Variants in ARMH1 observed in about 807,000 individuals in gnomAD.
The protein encoded by ARMH1 is armadillo like helical domain containing 1.
In ARMH1, 34 loss-of-function variants were observed where a neutral mutation model predicts 50.2. The ratio of observed to expected loss-of-function variants is 0.68; its 90% CI spans 0.51 to 0.90. ARMH1 has a LOEUF of 0.90. ARMH1 is among the 40% of genes least tolerant of loss of function. ARMH1 has a pLI of 0.00. For missense variants in ARMH1, 538 were observed against 553.9 expected (o/e 0.97, Z 0.29); for synonymous variants, 221 against 224.2 (o/e 0.99, Z 0.13).
At chr1:44,711,944 C>T (rs2148720158) in intron 6 of ARMH1, among the ~76,000 whole-genome samples, 1 of 152,306 alleles carries the variant, frequency 6.6e-6, no homozygotes, top group South Asian at 2.1e-4. Context: ...AATTAAATAA[C>T]CTGTCCACAG....
rs1398033447 is a variant in ARMH1, at chr1:44,689,873, T to C, written c.176T>C (p.Leu59Pro). ...QEFSQGASLFLVRLTTSLRIT... is the reference protein window; with the variant it reads ...QEFSQGASLFPVRLTTSLRIT... ...TTTTCCCAGGGAGCCAGTTTGTTCCTGGTACGCTTGACCACCTCGCTTAGA... is the reference window on the plus strand; with the variant it reads ...TTTTCCCAGGGAGCCAGTTTGTTCCCGGTACGCTTGACCACCTCGCTTAGA... Residue 59 changes from leucine (L) to proline (P), a missense_variant, in exon 2 of 12, where the codon CTG becomes CCG. By Grantham distance (98) the Leu-to-Pro change is moderately conservative (BLOSUM62 -3). Coordinates refer to ENST00000535358, the MANE Select transcript of ARMH1 (RefSeq NM_001145636.2). 3 of 1,551,042 alleles carry C rather than the reference T, an allele frequency of 1.9e-6. No homozygotes were observed. Among genetic ancestry groups the C allele is most frequent in the Admixed American group, 3.9e-5 (2 of 50,974 alleles).
chr1:44,698,252 T>A (rs972877241), intron 4 of ARMH1, 23 bp downstream of exon 4: 150 of 1,540,664 alleles, frequency 9.7e-5, no homozygotes, highest in Middle Eastern at 1.7e-4. Flanking sequence ...TGTGACAAGA[T>A]GTGTCTCCCT....
intron 1 of ARMH1, among the ~76,000 whole-genome samples, chr1:44,687,148 G>A (rs978237478): frequency 6.6e-6 from 1 of 152,146 alleles, no homozygotes; most frequent in African/African-American, 2.4e-5. Flanking sequence ...GGAAGGCTGA[G>A]ATTACAGTGT....
intron 2 of ARMH1, among the ~76,000 whole-genome samples, chr1:44,690,218 A>AAAAC (rs761644249): frequency 2.0e-5 from 3 of 152,268 alleles, no homozygotes; most frequent in East Asian, 3.9e-4. Flanking sequence ...ACTCTGTCTC[A>AAAAC]AAACAAACAA....
rs183067282 is a variant in ARMH1 at position 44,709,543 on chromosome 1, G to A, written c.724+5370G>A. On this transcript the variant is annotated intron_variant, in intron 6 of 11. Transcript: ENST00000535358. ...AAAAATTAGCCGGGCGTAGTGGCAT[G>A]CGCCTGTAGTCCCACCTACACGGGA... Among the ~76,000 whole-genome samples, 1,302 of 152,156 alleles carry A rather than the reference G, an allele frequency of 8.6e-3. 12 individuals are homozygous for A. Among genetic ancestry groups the A allele is most frequent in the Middle Eastern group, 0.014 (4 of 294 alleles).
chr1:44,696,011 C>T (rs1244175726), intron 2 of ARMH1, among the ~76,000 whole-genome samples: 6 of 151,294 alleles, frequency 4.0e-5, no homozygotes, highest in African/African-American at 7.3e-5. Flanking sequence ...AAAAGTTGGC[C>T]AGCCTAGCCT....
rs760311649 is a variant in ARMH1, at chr1:44,724,230, C to T, written c.833C>T (p.Ala278Val). ...GTCAAGGAGATCTCCAAACTGCAGGCCAAGATCCTCAGTGGTAAGGACCTG... is the reference window on the plus strand; with the variant it reads ...GTCAAGGAGATCTCCAAACTGCAGGTCAAGATCCTCAGTGGTAAGGACCTG... ...PSVKEISKLQ[A>V]KILSDPSVLQ... The change falls in exon 7 of 12, where the codon GCC (alanine) becomes GTC (valine). Residue 278 changes from alanine (A) to valine (V), a missense_variant. Transcript: ENST00000535358. The surrounding 1 kb of genome is among the most constrained non-coding windows in gnomAD (Gnocchi z 6.4). 6.4e-7 allele frequency: 1 copy of T among 1,551,744 alleles called. No individual in the cohort carries two copies. The highest frequency in any genetic ancestry group is 1.2e-5 in the South Asian group (1 of 84,056).
Position 44,724,573 on chromosome 1 carries a change from G to C in ARMH1, c.955G>C (p.Glu319Gln). Residue 319 changes from glutamate (E) to glutamine (Q), a missense_variant, in exon 9 of 12, where the codon GAG becomes CAG. Transcript: ENST00000535358. This position sits in a 1 kb window ranked among gnomAD's most constrained non-coding sequence, Gnocchi z 6.4. Reference sequence around the variant, plus strand: ...GCGCAACGACATGAGCATCGCCGAGGAGCTGCTGTACCTGCGCGTGGTGCG... The same window carrying C: ...GCGCAACGACATGAGCATCGCCGAGCAGCTGCTGTACCTGCGCGTGGTGCG... ...LARNDMSIAE[E>Q]LLYLRVVRGL... 6.6e-7 allele frequency: 1 copy of C among 1,516,910 alleles called. No homozygotes were observed. The allele number at this position is 1,516,910 out of a possible 1,614,324, so 94.0% of individuals were successfully genotyped here.
At chr1:44,721,058 A>G (rs938822178) in intron 6 of ARMH1, among the ~76,000 whole-genome samples, 1 of 151,980 alleles carries the variant, frequency 6.6e-6, no homozygotes, top group African/African-American at 2.4e-5. Flanking sequence ...AAACAAAAAA[A>G]GGGCAAAAGA....
rs1281734948 is a variant in ARMH1, at chr1:44,681,183, G to C, written c.-23+6310G>C. Among the ~76,000 whole-genome samples, 1 of 151,748 alleles carries C rather than the reference G, an allele frequency of 6.6e-6. No homozygotes were observed. The highest frequency in any genetic ancestry group is 6.6e-5 in the Admixed American group (1 of 15,208). Reference sequence around the variant, plus strand: ...CTAACTTTTTGTATTTTTTAGTAGAGAGGGGGTTTCACCGTGTTAGCCAGG... The same window carrying C: ...CTAACTTTTTGTATTTTTTAGTAGACAGGGGGTTTCACCGTGTTAGCCAGG... On this transcript the variant is annotated intron_variant, in intron 1 of 11. Coordinates refer to ENST00000535358, the MANE Select transcript of ARMH1 (RefSeq NM_001145636.2). This position sits in a 1 kb window ranked among gnomAD's most constrained non-coding sequence, Gnocchi z 4.3.
At chr1:44,689,354 C>T (rs551696633) in intron 1 of ARMH1, 20 of 273,986 alleles carry the variant, frequency 7.3e-5, no homozygotes, top group South Asian at 6.0e-4. Context: ...TGAGTCACCA[C>T]GCCCGGCCTT....
intron 6 of ARMH1, among the ~76,000 whole-genome samples, chr1:44,715,143 A>T (rs922950989): frequency 1.3e-5 from 2 of 152,168 alleles, no homozygotes; most frequent in Non-Finnish European, 1.5e-5. Context: ...CACTTCTCAT[A>T]TGTGTCCAGT....
At chr1:44,698,683 G>A (rs989757609) in intron 4 of ARMH1, among the ~76,000 whole-genome samples, 3 of 151,036 alleles carry the variant, frequency 2.0e-5, no homozygotes, top group Admixed American at 2.0e-4. Context: ...TGCAGTGGTC[G>A]GGGCCTGTAA....
In ARMH1 at chr1:44,720,136, G is replaced by A. The variant is rs139228271; in HGVS notation, c.725-3986G>A. On this transcript the variant is annotated intron_variant, in intron 6 of 11. Transcript: ENST00000535358. The stretch of plus-strand genomic sequence containing the variant: ...TGCTTGAATCCATGAGGCAGAGGTT[G>A]CAGTGAGCCAAGATCGTGCCATTGC... Among the ~76,000 whole-genome samples, 684 of 147,638 alleles carry A rather than the reference G, an allele frequency of 4.6e-3. 2 individuals carry two copies. Among genetic ancestry groups the A allele is most frequent in the African/African-American group, 0.016 (614 of 39,406 alleles).
intron 1 of ARMH1, among the ~76,000 whole-genome samples, chr1:44,680,853 A>G (rs973886891): frequency 2.0e-5 from 3 of 152,146 alleles, no homozygotes; most frequent in Admixed American, 6.5e-5. Flanking sequence ...TTCCACAGCC[A>G]GTCAGTCACC....
At position 44,689,862 on chromosome 1, in the gene ARMH1, C is replaced by G. The variant is rs1169911401; in HGVS notation, c.165C>G (p.Ala55=). 6.4e-7 allele frequency: 1 copy of G among 1,551,238 alleles called. No individual in the cohort carries two copies. Among genetic ancestry groups the G allele is most frequent in the Non-Finnish European group, 8.7e-7 (1 of 1,146,964 alleles). The change falls in exon 2 of 12, where the codon GCC becomes GCG. Residue 55 remains alanine (A), a synonymous_variant. Coordinates refer to ENST00000535358, the MANE Select transcript of ARMH1 (RefSeq NM_001145636.2). ...PELEQEFSQG[A]SLFLVRLTTS... is the part of the protein sequence containing the mutation. Reference sequence around the variant, plus strand: ...TGGAGCAGGAGTTTTCCCAGGGAGCCAGTTTGTTCCTGGTACGCTTGACCA... The same window carrying G: ...TGGAGCAGGAGTTTTCCCAGGGAGCGAGTTTGTTCCTGGTACGCTTGACCA...
intron 6 of ARMH1, among the ~76,000 whole-genome samples, chr1:44,717,339 C>T (rs1018976112): frequency 2.0e-5 from 3 of 152,234 alleles, no homozygotes; most frequent in African/African-American, 7.2e-5. Flanking sequence ...CCCAGCATCC[C>T]TGTTTCCCAG....
At chr1:44,721,731 C>T (rs1189540990) in intron 6 of ARMH1, 2 of 151,900 alleles carry the variant, frequency 1.3e-5, no homozygotes, top group African/African-American at 2.4e-5. Flanking sequence ...CTACCCCAAC[C>T]TCCCAAAGCA....
intron 1 of ARMH1, among the ~76,000 whole-genome samples, chr1:44,675,464 C>T (rs1230717290): frequency 2.6e-5 from 4 of 152,036 alleles, no homozygotes; most frequent in African/African-American, 4.8e-5. Context: ...CAAGACCAGC[C>T]TGGGCAACAT....
Sources: gnomAD v4.1 joint callset for allele counts (sites outside exome capture counted in the v4.1 genomes callset) on GRCh38, gnomAD v4.1.1 for gene constraint, Gnocchi (gnomAD v3.1) non-coding constraint, MANE v1.5 for transcripts, NCBI Gene and HGNC (gene_info 2026-07-23, HGNC 2026-07-21) for gene names.